Variants in PRPF40B observed in about 807,000 individuals in gnomAD.
PRPF40B encodes the protein pre-mRNA processing factor 40B, also known as pre-mRNA-processing factor 40 homolog B.
Under a neutral mutation model 124.5 loss-of-function variants are expected in PRPF40B, and 56 were observed. That is an observed-to-expected ratio of 0.45 (90% CI 0.36 to 0.56). The LOEUF is 0.56. Among genes scored for constraint, PRPF40B ranks in the 20% least tolerant of loss-of-function variants. PRPF40B has a pLI of 0.00. For missense variants in PRPF40B, 1,053 were observed against 1,169.5 expected, an observed-to-expected ratio of 0.90 and a Z score of 1.45; for synonymous variants, 443 against 426.4, an observed-to-expected ratio of 1.04 and a Z score of -0.48.
intron 18 of PRPF40B, 35 bp downstream of exon 18, chr12:49,637,859 T>C (rs1460750146): frequency 6.5e-7 from 1 of 1,527,100 alleles, no homozygotes; most frequent in East Asian, 2.3e-5. Context: ...GGATACAGGA[T>C]GGATGCAGGG....
In PRPF40B at chr12:49,644,390, A is replaced by T; in HGVS notation, c.*198A>T. ...GGTCCCCTACTCCCTGGACTAGTGC[A>T]GTCCTTGCCCTCAGCCCCAGACCAG... On this transcript the variant is annotated 3_prime_UTR_variant, in exon 26 of 26. Coordinates refer to ENST00000548825, the MANE Select transcript of PRPF40B (RefSeq NM_001031698.3). The T allele has an allele frequency of 1.6e-6, 1 of 621,218 alleles. No homozygotes were observed. 38.5% of individuals were successfully genotyped at this position (621,218 alleles called of 1,614,324 possible). A position where few individuals can be genotyped will look rare whatever the true frequency, so the allele number is the denominator to read the frequency against.
At chr12:49,623,990 T>G in intron 1 of PRPF40B, 1 of 1,022,928 alleles carries the variant, frequency 9.8e-7, no homozygotes, top group Non-Finnish European at 1.2e-6. Flanking sequence ...GACATGCCCT[T>G]CCCCCAGCCC....
chr12:49,624,749 G>A (rs1253099080), intron 1 of PRPF40B, among the ~76,000 whole-genome samples: 1 of 151,914 alleles, frequency 6.6e-6, no homozygotes, highest in Non-Finnish European at 1.5e-5. Context: ...GGAGGCTGAG[G>A]CAGAAGAATC....
Position 49,636,732 on chromosome 12 carries a change from T to G in PRPF40B, c.1443T>G (p.Asp481Glu). ...TGTCTTTAGACATGGACAAGGAAGA[T>G]GCACTGATCTGTTTTGAGGAGCACA... ...DHQLQNMDKE[D>E]ALICFEEHIR... Residue 481 changes from aspartate (D) to glutamate (E), a missense_variant, in exon 16 of 26, where the codon GAT (aspartate) becomes GAG (glutamate). Coordinates refer to ENST00000548825, the MANE Select transcript of PRPF40B (RefSeq NM_001031698.3). 1 of 1,614,196 alleles carries G rather than the reference T, an allele frequency of 6.2e-7. No homozygotes were observed. Among genetic ancestry groups the G allele is most frequent in the Admixed American group, 1.7e-5 (1 of 60,030 alleles).
rs771137303 is a variant in PRPF40B, at chr12:49,637,508, C to T, written c.1599C>T (p.His533=). 2 of 1,613,876 alleles carry T rather than the reference C, an allele frequency of 1.2e-6. No homozygotes were observed. Among genetic ancestry groups the T allele is most frequent in the South Asian group, 1.1e-5 (1 of 91,088 alleles). The change falls in exon 17 of 26, where the codon CAC becomes CAT. Residue 533 remains histidine (H), a synonymous_variant. Coordinates refer to ENST00000548825, the MANE Select transcript of PRPF40B (RefSeq NM_001031698.3). ...AGCTGCATGAGACAGGGCAGCTGCA[C>T]TCTATGTCCACCTGGATGGAGCTAT... ...LDELHETGQL[H]SMSTWMELYP...
At chr12:49,632,516 G>A in intron 4 of PRPF40B, 80 bp from the exon 5 acceptor site, 1 of 1,450,552 alleles carries the variant, frequency 6.9e-7, no homozygotes. Context: ...GGCCTGGCCT[G>A]CTTCTCCATC....
At chr12:49,624,105 G>A in intron 1 of PRPF40B, 1 of 986,600 alleles carries the variant, frequency 1.0e-6, no homozygotes, top group Non-Finnish European at 1.2e-6. Context: ...GGTGGAGAGG[G>A]GGCCTCTGAA....
chr12:49,640,611 T>A (rs1942500101), intron 18 of PRPF40B: 1 of 152,212 alleles, frequency 6.6e-6, no homozygotes, highest in Non-Finnish European at 1.5e-5. Flanking sequence ...GCTTATTGGC[T>A]CTGAGACCTC....
chr12:49,637,441 C>T (rs1941985740), intron 16 of PRPF40B, 29 bp from the exon 17 acceptor site: 1 of 1,521,252 alleles, frequency 6.6e-7, no homozygotes, highest in African/African-American at 1.4e-5. Context: ...CTGTCTCACT[C>T]TCCCTATAAC....
At chr12:49,630,669 A>G in intron 2 of PRPF40B, 44 bp downstream of exon 2, 1 of 770,752 alleles carries the variant, frequency 1.3e-6, no homozygotes, top group Non-Finnish European at 2.4e-6. Context: ...TCCAGCCTGC[A>G]CCCCCAACTC....
chr12:49,639,926 T>C (rs1458913098), intron 18 of PRPF40B: 2 of 152,250 alleles, frequency 1.3e-5, no homozygotes, highest in East Asian at 1.9e-4. Context: ...TGCCTTATCC[T>C]GGGATAGCTA....
Position 49,631,423 on chromosome 12 carries a change from C to T in PRPF40B, c.107C>T (p.Pro36Leu). ...PPFMPPPGIP[P>L]PFPPMGLPPM... ...CAGATGCCCCCTCCAGGGATCCCCCCACCCTTTCCTCCGATGGGGCTACCC... is the reference window on the plus strand; with the variant it reads ...CAGATGCCCCCTCCAGGGATCCCCCTACCCTTTCCTCCGATGGGGCTACCC... Residue 36 changes from proline to leucine, a missense_variant, in exon 3 of 26, where the codon CCA becomes CTA. Physicochemically the swap from Pro to Leu is moderately conservative, Grantham distance 98 (BLOSUM62 -3). Coordinates refer to ENST00000548825, the MANE Select transcript of PRPF40B (RefSeq NM_001031698.3). The surrounding 1 kb of genome is among the most constrained non-coding windows in gnomAD (Gnocchi z 4.3). 2.0e-6 allele frequency: 3 copies of T among 1,468,004 alleles called. No homozygotes were observed. The highest frequency in any genetic ancestry group is 2.7e-6 in the Non-Finnish European group (3 of 1,107,004). The allele number at this position is 1,468,004 out of a possible 1,614,324, so 90.9% of individuals were successfully genotyped here.
chr12:49,630,522 A>G (rs756787578), intron 1 of PRPF40B, 23 bp from the exon 2 acceptor site: 28 of 1,215,526 alleles, frequency 2.3e-5, no homozygotes, highest in South Asian at 1.3e-4. Context: ...CCTGGGTCCT[A>G]TGACTTTTCT....
Position 49,643,282 on chromosome 12 carries a change from G to A in PRPF40B, c.2265G>A (p.Arg755=), listed in dbSNP as rs112086658. Reference sequence around the variant, plus strand: ...CATCTCTCCGGCCCCCCAAGCGGAGGAGGCGGAACCCCTCAGAGTCAGGCT... The same window carrying A: ...CATCTCTCCGGCCCCCCAAGCGGAGAAGGCGGAACCCCTCAGAGTCAGGCT... The part of the protein sequence containing the change: ...PPPSLRPPKR[R]RRNPSESGSE... Residue 755 remains arginine (R), a synonymous_variant, in exon 23 of 26, where the codon AGG becomes AGA. Transcript: ENST00000548825. 1.6e-4 allele frequency: 264 copies of A among 1,613,950 alleles called. 2 individuals carry two copies. The African/African-American group carries it at 2.9e-3, about 18-fold the overall frequency.
Position 49,642,778 on chromosome 12 carries a change from G to A in PRPF40B, c.2118+103G>A. 2 of 1,442,318 alleles carry A rather than the reference G, an allele frequency of 1.4e-6. No homozygotes were observed. Among genetic ancestry groups the A allele is most frequent in the Non-Finnish European group, 9.5e-7 (1 of 1,048,964 alleles). 89.3% of individuals were successfully genotyped at this position (1,442,318 alleles called of 1,614,324 possible). A position where few individuals can be genotyped will look rare whatever the true frequency, so the allele number is the denominator to read the frequency against. On this transcript the variant is annotated intron_variant, in intron 21 of 25. Coordinates refer to ENST00000548825, the MANE Select transcript of PRPF40B (RefSeq NM_001031698.3). This position sits in a 1 kb window ranked among gnomAD's most constrained non-coding sequence, Gnocchi z 5.8. Reference sequence around the variant, plus strand: ...TCCCTCTTACCCTTAGGGCACTCCTGGCCAGCTAAGGAAGGGGAGGCCTGA... The same window carrying A: ...TCCCTCTTACCCTTAGGGCACTCCTAGCCAGCTAAGGAAGGGGAGGCCTGA...
At chr12:49,636,642 AAC>A in intron 15 of PRPF40B, 72 bp from the exon 16 acceptor site, 1 of 1,594,962 alleles carries the variant, frequency 6.3e-7, no homozygotes, top group Non-Finnish European at 8.6e-7. Flanking sequence ...GCATCGTTGA[AAC>A]ATTAGGGGTG....
At chr12:49,629,865 G>A (rs1202337969) in intron 1 of PRPF40B, among the ~76,000 whole-genome samples, 7 of 152,202 alleles carry the variant, frequency 4.6e-5, no homozygotes, top group Non-Finnish European at 8.8e-5. Context: ...TACATCCACA[G>A]GGAGATAGTT....
At chr12:49,638,362 G>A (rs1446303215) in intron 18 of PRPF40B, 1 of 152,860 alleles carries the variant, frequency 6.5e-6, no homozygotes, top group Non-Finnish European at 1.5e-5. Flanking sequence ...TTATCTAGCA[G>A]TACTGAGCTG....
rs758956373 is a variant in PRPF40B, at chr12:49,631,584, T to C, written c.228+40T>C. On this transcript the variant is annotated intron_variant, in intron 3 of 25. Transcript: ENST00000548825. The surrounding 1 kb of genome is among the most constrained non-coding windows in gnomAD (Gnocchi z 4.3). The stretch of plus-strand genomic sequence containing the variant: ...TCCCCTGGGGCCTCAGAAAACCCTG[T>C]CAGTTTAGCTGGGGGTGGAGATAAG... The C allele has an allele frequency of 6.5e-6, 10 of 1,531,150 alleles. No homozygotes were observed. 94.8% of individuals were successfully genotyped at this position (1,531,150 alleles called of 1,614,324 possible).
Sources: allele counts gnomAD v4.1 joint callset (sites outside exome capture counted in the v4.1 genomes callset), GRCh38; gene constraint gnomAD v4.1.1; non-coding constraint Gnocchi (gnomAD v3.1); transcripts MANE v1.5; gene names NCBI Gene and HGNC (gene_info 2026-07-23, HGNC 2026-07-21).